Variants in RORA observed in about 807,000 individuals in gnomAD.
RORA encodes nuclear receptor ROR-alpha.
Under a neutral mutation model 69.5 loss-of-function variants are expected in RORA, and 7 were observed. The observed-to-expected ratio is 0.10, with a 90% CI of 0.06 to 0.19. The LOEUF (loss-of-function observed/expected upper bound fraction) is 0.19, where lower values mean the gene tolerates loss of function less well. RORA is among the 10% of genes least tolerant of loss of function. The pLI is 1.00. For synonymous variants in RORA, 261 were observed against 240.8 expected (o/e 1.08, Z -0.78); for missense variants, 457 against 663.0 (o/e 0.69, Z 3.41).
chr15:60,678,091 C>T (rs2070579859), intron 2 of RORA: 1 of 152,286 alleles, frequency 6.6e-6, no homozygotes, highest in African/African-American at 2.4e-5. Context: ...AGCAGTTGAA[C>T]CTGAGAAGTG....
chr15:61,173,398 TA>T, intron 1 of RORA, among the ~76,000 whole-genome samples: 1 of 152,236 alleles, frequency 6.6e-6, no homozygotes, highest in Non-Finnish European at 1.5e-5. Flanking sequence ...TAAACTATTT[TA>T]AAACTTAGGA....
chr15:60,498,241 A>G (rs928781719), intron 10 of RORA, among the ~76,000 whole-genome samples: 3 of 152,124 alleles, frequency 2.0e-5, no homozygotes, highest in African/African-American at 7.2e-5. Context: ...TTCTACTCCA[A>G]GATGCCTTCT....
intron 2 of RORA, among the ~76,000 whole-genome samples, chr15:60,539,778 TTTG>T (rs984893294): frequency 2.6e-5 from 4 of 152,146 alleles, no homozygotes; most frequent in African/African-American, 9.7e-5. Context: ...ACAGAACGTA[TTTG>T]TTGTTAAGGA....
chr15:61,189,898 A>C (rs2079781164), intron 1 of RORA, among the ~76,000 whole-genome samples: 1 of 149,388 alleles, frequency 6.7e-6, no homozygotes, highest in African/African-American at 2.5e-5. Context: ...GATATCCATC[A>C]TTATTCCAGC....
chr15:61,012,569 A>C (rs1261575905), intron 1 of RORA, among the ~76,000 whole-genome samples: 1 of 152,172 alleles, frequency 6.6e-6, no homozygotes, highest in Non-Finnish European at 1.5e-5. Context: ...TTAATAATAG[A>C]CTTGTAGGTT....
At chr15:61,151,802 T>G (rs1320074173) in intron 1 of RORA, among the ~76,000 whole-genome samples, 3 of 152,196 alleles carry the variant, frequency 2.0e-5, no homozygotes, top group African/African-American at 7.2e-5. Context: ...ATTAAATGTC[T>G]CCTGGAAGCA....
intron 1 of RORA, among the ~76,000 whole-genome samples, chr15:60,979,276 T>TAA (rs1555399169): frequency 1.4e-4 from 9 of 63,712 alleles, no homozygotes; most frequent in Non-Finnish European, 1.9e-4. Flanking sequence ...TGCTTTTTTT[T>TAA]TTTTTTTTTT....
intron 1 of RORA, among the ~76,000 whole-genome samples, chr15:60,996,923 G>A (rs4775345): frequency 0.77 from 116,742 of 151,298 alleles, 45,300 homozygotes; most frequent in East Asian, 0.94. Context: ...AAAAAAAAGA[G>A]TATCTTCAAA....
At chr15:60,517,125 C>CTTTTTTTTTTTTTTTTTTTTTTTT (rs1555425185) in intron 3 of RORA, among the ~76,000 whole-genome samples, 1 of 120,764 alleles carries the variant, frequency 8.3e-6, no homozygotes, top group African/African-American at 4.3e-5. Context: ...TTTTTTTTTC[C>CTTTTTTTTTTTTTTTTTTTTTTTT]CCCCTACAAT....
chr15:61,201,631 A>G (rs1056884754), intron 1 of RORA, among the ~76,000 whole-genome samples: 4 of 152,200 alleles, frequency 2.6e-5, no homozygotes, highest in Non-Finnish European at 4.4e-5. Context: ...AGTGCTTAGT[A>G]ATTTTTTTTC....
At chr15:60,980,624 G>T (rs866348136) in intron 1 of RORA, among the ~76,000 whole-genome samples, 2 of 151,892 alleles carry the variant, frequency 1.3e-5, no homozygotes, top group Non-Finnish European at 2.9e-5. Flanking sequence ...ATATTTCTAG[G>T]ACTTTGTCCA....
At chr15:61,227,543 TG>T (rs2080158304) in intron 1 of RORA, among the ~76,000 whole-genome samples, 1 of 147,688 alleles carries the variant, frequency 6.8e-6, no homozygotes, top group Admixed American at 6.7e-5. Flanking sequence ...ATTCCGTGAA[TG>T]GGAAAGCGCC....
rs995077278 is a variant in RORA at position 61,156,395 on chromosome 15, G to A, written c.166+72658C>T. Reference sequence around the variant, plus strand: ...CTTTTAATCAGAAAAGAAGAAACAAGCAGTTTCCTTTCTGCCCCCACAGGC... The same window carrying A: ...CTTTTAATCAGAAAAGAAGAAACAAACAGTTTCCTTTCTGCCCCCACAGGC... On this transcript the variant is annotated intron_variant, in intron 1 of 10. Coordinates refer to ENST00000335670, the MANE Select transcript of RORA (RefSeq NM_134261.3). 7.9e-5 allele frequency among the ~76,000 whole-genome samples: 12 copies of A among 152,138 alleles called. 1 individual carries two copies. Among genetic ancestry groups the A allele is most frequent in the Admixed American group, 4.6e-4 (7 of 15,270 alleles).
At chr15:60,918,401 T>G (rs1435381515) in intron 1 of RORA, among the ~76,000 whole-genome samples, 1 of 152,240 alleles carries the variant, frequency 6.6e-6, no homozygotes, top group East Asian at 1.9e-4. Context: ...ACTAACCATG[T>G]CATTCATGTT....
At chr15:61,103,703 C>A (rs1247239382) in intron 1 of RORA, among the ~76,000 whole-genome samples, 1 of 152,188 alleles carries the variant, frequency 6.6e-6, no homozygotes, top group African/African-American at 2.4e-5. Context: ...TGGCAACTCA[C>A]CCCCAGAACA....
At chr15:60,886,842 C>A (rs1386386504) in intron 1 of RORA, among the ~76,000 whole-genome samples, 1 of 152,152 alleles carries the variant, frequency 6.6e-6, no homozygotes, top group African/African-American at 2.4e-5. Flanking sequence ...AATGGTTTGG[C>A]ACACCTGCTA....
chr15:60,867,135 C>T (rs867460830), intron 1 of RORA, among the ~76,000 whole-genome samples: 3 of 152,072 alleles, frequency 2.0e-5, no homozygotes, highest in Admixed American at 6.6e-5. Context: ...CAAAGTGCTA[C>T]CACACTCAGC....
At chr15:61,112,850 C>T (rs148756012) in intron 1 of RORA, among the ~76,000 whole-genome samples, 2 of 152,314 alleles carry the variant, frequency 1.3e-5, no homozygotes, top group East Asian at 3.9e-4. Context: ...TCAGGGACAG[C>T]TGGGCACCAA....
intron 1 of RORA, among the ~76,000 whole-genome samples, chr15:61,137,216 T>C (rs1410497062): frequency 1.3e-5 from 2 of 152,198 alleles, no homozygotes; most frequent in East Asian, 3.9e-4. Flanking sequence ...ATTCTAAAGT[T>C]ATCCTTTGAA....
Sources: allele counts gnomAD v4.1 joint callset (sites outside exome capture counted in the v4.1 genomes callset), GRCh38; gene constraint gnomAD v4.1.1; transcripts MANE v1.5; gene names NCBI Gene and HGNC (gene_info 2026-07-23, HGNC 2026-07-21).